Variants in UNC79 observed in about 807,000 individuals in gnomAD.
UNC79 encodes unc-79 subunit of NALCN channel complex.
UNC79 carries 37 observed loss-of-function variants against 283.1 expected under a neutral mutation model. The ratio of observed to expected loss-of-function variants is 0.13; its 90% CI spans 0.10 to 0.17. The LOEUF is 0.17. Among genes scored for constraint, UNC79 ranks in the 10% least tolerant of loss-of-function variants. UNC79 has a pLI of 1.00. For missense variants in UNC79, 2,272 were observed against 3,211.1 expected (o/e 0.71, Z 7.07); for synonymous variants, 1,107 against 1,200.2 (o/e 0.92, Z 1.61).
At chr14:93,559,303 C>T (rs1030933491) in intron 14 of UNC79, among the ~76,000 whole-genome samples, 11 of 152,202 alleles carry the variant, frequency 7.2e-5, no homozygotes, top group African/African-American at 2.4e-4. Context: ...GAGGTATGGC[C>T]GCTTCAACGG....
chr14:93,532,247 G>A (rs1029258297), intron 10 of UNC79, among the ~76,000 whole-genome samples: 2 of 149,800 alleles, frequency 1.3e-5, no homozygotes, highest in African/African-American at 4.9e-5. Flanking sequence ...CAGGAGGGTT[G>A]CTTGTGGCCA....
chr14:93,705,264 A>G (rs532021204), intron 48 of UNC79, among the ~76,000 whole-genome samples: 1 of 151,650 alleles, frequency 6.6e-6, no homozygotes, highest in Non-Finnish European at 1.5e-5. Context: ...TCAAAGAAAT[A>G]TAAATTGGAA....
chr14:93,452,178 C>T (rs1244070766), intron 1 of UNC79, among the ~76,000 whole-genome samples: 1 of 152,112 alleles, frequency 6.6e-6, no homozygotes, highest in Non-Finnish European at 1.5e-5. Flanking sequence ...GTATTTGAGT[C>T]TCTTGTAATA....
chr14:93,635,156 A>C (rs1405742179), intron 31 of UNC79, among the ~76,000 whole-genome samples: 1 of 152,156 alleles, frequency 6.6e-6, no homozygotes, highest in East Asian at 1.9e-4. Context: ...ATGGAACTGC[A>C]TCTAACCTCA....
intron 36 of UNC79, 42 bp downstream of exon 39, chr14:93,653,896 C>T (rs777633451): frequency 6.2e-7 from 1 of 1,613,910 alleles, no homozygotes; most frequent in Non-Finnish European, 8.5e-7. Context: ...AAATTTGCCT[C>T]ATCCCAGACA....
At chr14:93,412,999 A>G (rs1210026098) in intron 1 of UNC79, among the ~76,000 whole-genome samples, 1 of 152,156 alleles carries the variant, frequency 6.6e-6, no homozygotes, top group East Asian at 1.9e-4. Flanking sequence ...AGAGTATTAT[A>G]CCAGTGTAAC....
At chr14:93,488,090 C>G (rs1377355053) in intron 5 of UNC79, among the ~76,000 whole-genome samples, 7 of 152,176 alleles carry the variant, frequency 4.6e-5, no homozygotes, top group Admixed American at 4.6e-4. Flanking sequence ...GGTAAATTGG[C>G]TACCCCAATA....
At chr14:93,443,316 AC>A (rs1368242313) in intron 1 of UNC79, among the ~76,000 whole-genome samples, 1 of 151,096 alleles carries the variant, frequency 6.6e-6, no homozygotes, top group Admixed American at 6.6e-5. Flanking sequence ...CCTTCCTTCA[AC>A]TCCCAGTTCC....
At chr14:93,511,933 G>A (rs1288895453) in intron 7 of UNC79, among the ~76,000 whole-genome samples, 1 of 151,624 alleles carries the variant, frequency 6.6e-6, no homozygotes, top group East Asian at 1.9e-4. Context: ...AAATTAGATT[G>A]TTTATTTCCA....
At position 93,410,292 on chromosome 14, in the gene UNC79, C is replaced by T. The variant is rs4905065; in HGVS notation, c.-350-57379C>T. ...ACCAGCCCTAGCCAGAGGGGAATCA[C>T]CTATCCCAGCGGTCTGAACTTTAGT... On this transcript the variant is annotated intron_variant, in intron 1 of 49. Transcript: ENST00000256339. Among the ~76,000 whole-genome samples the T allele has an allele frequency of 9.8e-3, 1,490 of 152,350 alleles. 10 individuals are homozygous for T. The highest frequency in any genetic ancestry group is 0.014 in the South Asian group (69 of 4,828).
Position 93,572,825 on chromosome 14 carries a change from A to C in UNC79, c.2070+9A>C. 1 of 1,612,364 alleles carries C rather than the reference A, an allele frequency of 6.2e-7. No homozygotes were observed. The highest frequency in any genetic ancestry group is 1.1e-5 in the South Asian group (1 of 90,586). On this transcript the variant is annotated intron_variant, in intron 16 of 48. Transcript: ENST00000555664. ...CTTTACTGTGGCTTCATGTAAGTGA[A>C]TAATACTTTCGATCATTTTAGGAAA...
intron 41 of UNC79, among the ~76,000 whole-genome samples, chr14:93,681,340 G>A (rs889646197): frequency 5.9e-5 from 9 of 152,200 alleles, no homozygotes; most frequent in Non-Finnish European, 1.0e-4. Context: ...GCCCTGAGCC[G>A]GAAGTCTAAG....
chr14:93,541,222 A>C (rs1021973697), intron 13 of UNC79, among the ~76,000 whole-genome samples: 1 of 152,202 alleles, frequency 6.6e-6, no homozygotes, highest in Admixed American at 6.5e-5. Flanking sequence ...ACCTATGTAG[A>C]TGAAATTTTT....
chr14:93,354,254 G>A (rs1247648031), intron 1 of UNC79, among the ~76,000 whole-genome samples: 1 of 152,144 alleles, frequency 6.6e-6, no homozygotes, highest in African/African-American at 2.4e-5. Flanking sequence ...ATCCTTACAG[G>A]CTGTGTTTTA....
At chr14:93,458,640 C>G (rs74074604) in intron 1 of UNC79, among the ~76,000 whole-genome samples, 76 of 152,232 alleles carry the variant, frequency 5.0e-4, no homozygotes, top group African/African-American at 1.8e-3. Flanking sequence ...CAAATTTCAT[C>G]TTGAAATTAC....
rs1417291347 is a variant in UNC79, at chr14:93,474,643, G to A, written c.448+250G>A. ...ATGGGGCTGGAGAAAGGAGGAAGATGTATAACAAGAAATTTTCTCTTCTTT... is the reference window on the plus strand; with the variant it reads ...ATGGGGCTGGAGAAAGGAGGAAGATATATAACAAGAAATTTTCTCTTCTTT... On this transcript the variant is annotated intron_variant, in intron 3 of 48. Coordinates refer to ENST00000555664, the Ensembl canonical transcript of UNC79. This position sits in a 1 kb window ranked among gnomAD's most constrained non-coding sequence, Gnocchi z 4.1. Among the ~76,000 whole-genome samples the A allele has an allele frequency of 2.0e-5, 3 of 152,140 alleles. No individual in the cohort carries two copies. The highest frequency in any genetic ancestry group is 4.8e-5 in the African/African-American group (2 of 41,434).
At chr14:93,424,299 A>G (rs1386948465) in intron 1 of UNC79, among the ~76,000 whole-genome samples, 3 of 152,314 alleles carry the variant, frequency 2.0e-5, no homozygotes, top group African/African-American at 4.8e-5. Context: ...TATGGAGGAC[A>G]GTTGGAGGTT....
In UNC79 at chr14:93,474,200, GCAGGT is replaced by G. The variant is rs1566967790; in HGVS notation, c.259_263del (p.Val87PhefsTer28). 6.5e-7 allele frequency: 1 copy of G among 1,535,962 alleles called. No individual in the cohort carries two copies. The highest frequency in any genetic ancestry group is 8.7e-7 in the Non-Finnish European group (1 of 1,146,838). ...TCCCACTCACCCCATCTCTAAGACCGCAGGTCAGTTCCATCAACCCTACTGTTACT... is the reference window on the plus strand; with the variant it reads ...TCCCACTCACCCCATCTCTAAGACCGCAGTTCCATCAACCCTACTGTTACT... On this transcript the variant is annotated frameshift_variant, in exon 3 of 49. Coordinates refer to ENST00000555664, the Ensembl canonical transcript of UNC79. LOFTEE classifies it high-confidence loss of function. This position sits in a 1 kb window ranked among gnomAD's most constrained non-coding sequence, Gnocchi z 4.1.
At chr14:93,577,082 C>T (rs1378677345) in intron 17 of UNC79, among the ~76,000 whole-genome samples, 2 of 152,064 alleles carry the variant, frequency 1.3e-5, no homozygotes, top group Non-Finnish European at 2.9e-5. Flanking sequence ...TGCCTTTTGT[C>T]CCAGCTACTT....
Sources: allele counts gnomAD v4.1 joint callset (sites outside exome capture counted in the v4.1 genomes callset), GRCh38; gene constraint gnomAD v4.1.1; non-coding constraint Gnocchi (gnomAD v3.1); transcripts MANE v1.5; gene names NCBI Gene and HGNC (gene_info 2026-07-23, HGNC 2026-07-21).